Variants in HSD17B12 observed in about 807,000 individuals in gnomAD.
HSD17B12 encodes very-long-chain 3-oxoacyl-CoA reductase.
HSD17B12 carries 32 observed loss-of-function variants against 39.3 expected under a neutral mutation model. The observed-to-expected ratio is 0.81, with a 90% confidence interval of 0.61 to 1.09. HSD17B12 has a LOEUF of 1.09. Ranked by LOEUF, HSD17B12 falls within the 50% of genes least tolerant of loss-of-function variation. The pLI, the probability that HSD17B12 is intolerant of heterozygous loss-of-function variation, is 0.00. For synonymous variants in HSD17B12, 150 were observed against 146.7 expected (o/e 1.02, Z -0.16); for missense variants, 342 against 382.9 (o/e 0.89, Z 0.89).
At chr11:43,802,480 T>C (rs962301644) in intron 4 of HSD17B12, among the ~76,000 whole-genome samples, 2 of 152,196 alleles carry the variant, frequency 1.3e-5, no homozygotes, top group African/African-American at 4.8e-5. Context: ...TTTCAGTGCT[T>C]AGTAGCTACA....
At chr11:43,821,027 G>C (rs1041341963) in intron 6 of HSD17B12, among the ~76,000 whole-genome samples, 3 of 152,166 alleles carry the variant, frequency 2.0e-5, no homozygotes, top group Non-Finnish European at 4.4e-5. Context: ...GTCACCACCA[G>C]ATAAAATGGT....
At chr11:43,579,764 C>T in the HSD17B12 span, among the ~76,000 whole-genome samples, 7 of 151,892 alleles carry the variant, frequency 4.6e-5, no homozygotes, top group Admixed American at 4.6e-4. Context: ...CGCGGAGCTG[C>T]AGGAGGGTGA....
chr11:43,634,620 ATGCACACTGAT>A, the HSD17B12 span, among the ~76,000 whole-genome samples: 2 of 152,144 alleles, frequency 1.3e-5, no homozygotes, highest in Non-Finnish European at 2.9e-5. Flanking sequence ...TTTGCTCCCC[ATGCACACTGAT>A]TATTGAGAGA....
intron 6 of HSD17B12, among the ~76,000 whole-genome samples, chr11:43,828,220 G>T (rs1951268185): frequency 1.4e-5 from 2 of 146,338 alleles, no homozygotes; most frequent in South Asian, 4.3e-4. Context: ...TCGGCTCACT[G>T]CAAGCTCTGC....
At chr11:43,665,220 A>G in the HSD17B12 span, among the ~76,000 whole-genome samples, 5 of 152,170 alleles carry the variant, frequency 3.3e-5, no homozygotes. Flanking sequence ...TTCCCTAACT[A>G]AAACTCTGGT....
the HSD17B12 span, among the ~76,000 whole-genome samples, chr11:43,595,349 A>G: frequency 6.6e-6 from 1 of 152,266 alleles, no homozygotes; most frequent in Non-Finnish European, 1.5e-5. Context: ...AGTCTAACAG[A>G]TAGTTTTGAA....
chr11:43,826,511 A>G (rs1186297020), intron 6 of HSD17B12, among the ~76,000 whole-genome samples: 1 of 152,202 alleles, frequency 6.6e-6, no homozygotes, highest in Non-Finnish European at 1.5e-5. Context: ...TGTAGATCAA[A>G]CCAAATTTAT....
chr11:43,788,964 C>G (rs1054971561), intron 3 of HSD17B12, among the ~76,000 whole-genome samples: 1 of 152,170 alleles, frequency 6.6e-6, no homozygotes, highest in African/African-American at 2.4e-5. Context: ...AGTAGCTAGT[C>G]CTATTTGTTA....
At chr11:43,601,603 T>C in the HSD17B12 span, among the ~76,000 whole-genome samples, 1 of 152,054 alleles carries the variant, frequency 6.6e-6, no homozygotes, top group Non-Finnish European at 1.5e-5. Flanking sequence ...CAGTTCTCCT[T>C]TTGTAGCAGA....
the HSD17B12 span, among the ~76,000 whole-genome samples, chr11:43,637,777 G>A: frequency 6.6e-6 from 1 of 152,186 alleles, no homozygotes; most frequent in Non-Finnish European, 1.5e-5. Flanking sequence ...CCATGAGCTA[G>A]GAAGGTGCAT....
At chr11:43,614,109 T>C in the HSD17B12 span, among the ~76,000 whole-genome samples, 5 of 152,258 alleles carry the variant, frequency 3.3e-5, no homozygotes, top group Non-Finnish European at 7.3e-5. Flanking sequence ...ATTTCTATGA[T>C]GCTCTTCACT....
At chr11:43,634,468 A>T in the HSD17B12 span, among the ~76,000 whole-genome samples, 1 of 152,174 alleles carries the variant, frequency 6.6e-6, no homozygotes. Context: ...AGCCTCAGTG[A>T]ATTTGACTCT....
chr11:43,656,474 G>T, the HSD17B12 span, among the ~76,000 whole-genome samples: 1 of 151,774 alleles, frequency 6.6e-6, no homozygotes, highest in African/African-American at 2.4e-5. Context: ...GCTTCTCTAG[G>T]TCTTTTAATT....
At chr11:43,565,144 C>T in the HSD17B12 span, among the ~76,000 whole-genome samples, 10 of 152,306 alleles carry the variant, frequency 6.6e-5, no homozygotes, top group Middle Eastern at 6.8e-3. Flanking sequence ...AAGTGATCCA[C>T]CTGCGTTGGC....
chr11:43,615,142 C>A, the HSD17B12 span, among the ~76,000 whole-genome samples: 1 of 152,004 alleles, frequency 6.6e-6, no homozygotes, highest in African/African-American at 2.4e-5. Flanking sequence ...TTACCTTGAT[C>A]CTTTGAAGTT....
chr11:43,648,667 T>G, the HSD17B12 span, among the ~76,000 whole-genome samples: 1 of 152,242 alleles, frequency 6.6e-6, no homozygotes, highest in Non-Finnish European at 1.5e-5. Context: ...TTTTATTTAG[T>G]AAACCACTTT....
intron 7 of HSD17B12, among the ~76,000 whole-genome samples, chr11:43,835,109 A>G (rs1951356415): frequency 1.3e-5 from 2 of 152,206 alleles, no homozygotes; most frequent in African/African-American, 2.4e-5. Flanking sequence ...AAAATTCTTA[A>G]TGTACCTTCC....
chr11:43,618,511 C>T, the HSD17B12 span, among the ~76,000 whole-genome samples: 1 of 152,138 alleles, frequency 6.6e-6, no homozygotes, highest in Non-Finnish European at 1.5e-5. Flanking sequence ...AATTGAGCCA[C>T]CTTGTGCTCT....
chr11:43,796,875 A>G (rs1014163641), intron 3 of HSD17B12, among the ~76,000 whole-genome samples: 4 of 151,434 alleles, frequency 2.6e-5, no homozygotes, highest in Non-Finnish European at 5.9e-5. Flanking sequence ...CTGTGGCTAT[A>G]ATAAAGTCAG....
Sources: gnomAD v4.1 joint callset for allele counts (sites outside exome capture counted in the v4.1 genomes callset) on GRCh38, gnomAD v4.1.1 for gene constraint, MANE v1.5 for transcripts, NCBI Gene and HGNC (gene_info 2026-07-23, HGNC 2026-07-21) for gene names.